The following ZNF248 variants were observed in gnomAD, a reference collection of about 807,000 sequenced individuals.
ZNF248 encodes KRAB protein domain.
ZNF248 carries 20 observed loss-of-function variants against 44.3 expected under a neutral mutation model. The ratio of observed to expected loss-of-function variants is 0.45; its 90% CI spans 0.32 to 0.66. The LOEUF (loss-of-function observed/expected upper bound fraction) is 0.66, where lower values mean the gene tolerates loss of function less well. ZNF248 is among the 30% of genes least tolerant of loss of function. The probability of loss-of-function intolerance (pLI) is 0.04; values close to 1 mark genes in which losing one functional copy is unlikely to be tolerated. For synonymous variants in ZNF248, 224 were observed against 229.0 expected (o/e 0.98, Z 0.20); for missense variants, 654 against 677.0 (o/e 0.97, Z 0.38).
In ZNF248 at chr10:37,829,633, G is replaced by A. The variant is rs117112945; in HGVS notation, c.*1982C>T. 10,242 of 985,354 alleles carry A rather than the reference G, an allele frequency of 0.01. 86 individuals carry two copies. The highest frequency in any genetic ancestry group is 0.011 in the Non-Finnish European group (8,812 of 829,932). 61.0% of individuals were successfully genotyped at this position (985,354 alleles called of 1,614,324 possible). Reference sequence around the variant, plus strand: ...ATAGAGAGCAGAGTAGCTCGGCAACGTCACCTCTGAGCTGGCTTTTCCCAC... The same window carrying A: ...ATAGAGAGCAGAGTAGCTCGGCAACATCACCTCTGAGCTGGCTTTTCCCAC... On this transcript the variant is annotated 3_prime_UTR_variant, in exon 6 of 6. Transcript: ENST00000395867.
chr10:37,795,103 G>A (rs1386649433), intron 6 of ZNF248: 1 of 152,180 alleles, frequency 6.6e-6, no homozygotes, highest in Admixed American at 6.5e-5. Flanking sequence ...TTCTCTTAAA[G>A]TTTGAAATCT....
In ZNF248 at chr10:37,830,609, C is replaced by T. The variant is rs1376689946; in HGVS notation, c.*1006G>A. 37 of 984,984 alleles carry T rather than the reference C, an allele frequency of 3.8e-5. No individual in the cohort carries two copies. Among genetic ancestry groups the T allele is most frequent in the Non-Finnish European group, 4.5e-5 (37 of 829,716 alleles). The allele number at this position is 984,984 out of a possible 1,614,324, so 61.0% of individuals were successfully genotyped here. On this transcript the variant is annotated 3_prime_UTR_variant, in exon 6 of 6. Transcript: ENST00000395867. Reference sequence around the variant, plus strand: ...ATTGCCAAATACGTTTTCATATATACACAGTGATGTGCTGTAAATATTTGA... The same window carrying T: ...ATTGCCAAATACGTTTTCATATATATACAGTGATGTGCTGTAAATATTTGA...
intron 6 of ZNF248, among the ~76,000 whole-genome samples, chr10:37,816,280 C>T (rs925671629): frequency 3.3e-5 from 5 of 152,162 alleles, no homozygotes; most frequent in Non-Finnish European, 5.9e-5. Flanking sequence ...TTTACACCTC[C>T]GTGTCTGCAC....
Position 37,843,317 on chromosome 10 carries a change from A to C in ZNF248, c.16-5206T>G, listed in dbSNP as rs555826210. 5.9e-5 allele frequency among the ~76,000 whole-genome samples: 9 copies of C among 151,604 alleles called. No individual in the cohort carries two copies. In the East Asian group the frequency reaches 1.6e-3, roughly 26 times the overall value. On this transcript the variant is annotated intron_variant, in intron 3 of 5. Transcript: ENST00000395867. The stretch of plus-strand genomic sequence containing the variant: ...GCGCATGCCTGTAGTCCCAGTTGCA[A>C]GGGAGGCTGATGTAGGAGAATTGCT...
the ZNF248 span, among the ~76,000 whole-genome samples, chr10:37,764,148 T>G: frequency 3.9e-5 from 6 of 152,208 alleles, no homozygotes; most frequent in Admixed American, 3.3e-4. Context: ...TGAATTCTTT[T>G]TCTCAGCAAG....
intron 3 of ZNF248, among the ~76,000 whole-genome samples, chr10:37,851,779 A>C (rs2060281758): frequency 6.7e-6 from 1 of 149,830 alleles, no homozygotes; most frequent in South Asian, 2.1e-4. Flanking sequence ...AAAAAAAAAA[A>C]AAAAAAAAAA....
At chr10:37,813,837 T>G (rs2051970741) in intron 6 of ZNF248, among the ~76,000 whole-genome samples, 1 of 152,206 alleles carries the variant, frequency 6.6e-6, no homozygotes, top group African/African-American at 2.4e-5. Flanking sequence ...CTGCACTCAC[T>G]CCTGCTCTTT....
At chr10:37,810,023 G>T (rs1305505119) in intron 6 of ZNF248, among the ~76,000 whole-genome samples, 1 of 152,162 alleles carries the variant, frequency 6.6e-6, no homozygotes, top group Non-Finnish European at 1.5e-5. Context: ...GTTGTTGTTG[G>T]ATATAGTGTT....
rs933482800 is a variant in ZNF248, at chr10:37,857,591, T to G, written c.-532A>C. On this transcript the variant is annotated 5_prime_UTR_variant, in exon 1 of 6. Transcript: ENST00000395867. Reference sequence around the variant, plus strand: ...TTCATTTGTCGCGGACCTGGCGCAGTCGCTCTCCCCCGCAGCCCCGCCTCC... The same window carrying G: ...TTCATTTGTCGCGGACCTGGCGCAGGCGCTCTCCCCCGCAGCCCCGCCTCC... The G allele has an allele frequency of 6.6e-6, 1 of 152,344 alleles. No homozygotes were observed. Among genetic ancestry groups the G allele is most frequent in the African/African-American group, 2.4e-5 (1 of 41,454 alleles). The allele number at this position is 152,344 out of a possible 1,614,324, so 9.4% of individuals were successfully genotyped here.
At chr10:37,852,986 C>A (rs976090847) in intron 3 of ZNF248, among the ~76,000 whole-genome samples, 1 of 151,920 alleles carries the variant, frequency 6.6e-6, no homozygotes, top group East Asian at 1.9e-4. Context: ...CTCAGCCTCC[C>A]GAGTAGCTGG....
chr10:37,801,290 C>A (rs955322613), intron 6 of ZNF248, among the ~76,000 whole-genome samples: 20 of 151,964 alleles, frequency 1.3e-4, no homozygotes, highest in African/African-American at 4.8e-4. Context: ...GCACGAGAAT[C>A]CCTTGAACCC....
intron 6 of ZNF248, among the ~76,000 whole-genome samples, chr10:37,791,317 C>G (rs1589120628): frequency 6.6e-6 from 1 of 152,088 alleles, no homozygotes; most frequent in South Asian, 2.1e-4. Context: ...GCTGGGATTA[C>G]AGGTGTGAGC....
chr10:37,797,124 G>A (rs1169271798), intron 6 of ZNF248, among the ~76,000 whole-genome samples: 1 of 152,122 alleles, frequency 6.6e-6, no homozygotes, highest in Non-Finnish European at 1.5e-5. Flanking sequence ...TAAGAAACTT[G>A]TCTAAAGACA....
At chr10:37,769,091 A>G in the ZNF248 span, among the ~76,000 whole-genome samples, 1 of 152,210 alleles carries the variant, frequency 6.6e-6, no homozygotes, top group African/African-American at 2.4e-5. Context: ...GAATCTCTGA[A>G]TAGACCAATA....
At chr10:37,786,922 G>A (rs2047936340) in intron 6 of ZNF248, among the ~76,000 whole-genome samples, 2 of 152,040 alleles carry the variant, frequency 1.3e-5, no homozygotes, top group African/African-American at 4.8e-5. Flanking sequence ...TAGGTGTCAT[G>A]TCTAAGAAAC....
chr10:37,819,932 AG>A, intron 6 of ZNF248: 1 of 771,290 alleles, frequency 1.3e-6, no homozygotes, highest in Non-Finnish European at 2.4e-6. Flanking sequence ...TCAGTAAACG[AG>A]GCCCCATGTC....
chr10:37,769,745 T>G, the ZNF248 span, among the ~76,000 whole-genome samples: 6 of 152,172 alleles, frequency 3.9e-5, no homozygotes, highest in Admixed American at 2.6e-4. Flanking sequence ...CCACTCCTAT[T>G]CAACATAGTG....
At position 37,857,448 on chromosome 10, in the gene ZNF248, C is replaced by G. The variant is rs2061499738; in HGVS notation, c.-389G>C. The G allele has an allele frequency of 6.6e-6, 1 of 152,240 alleles. No individual in the cohort carries two copies. The highest frequency in any genetic ancestry group is 2.1e-4 in the South Asian group (1 of 4,830). The allele number at this position is 152,240 out of a possible 1,614,324, so 9.4% of individuals were successfully genotyped here. A position where few individuals can be genotyped will look rare whatever the true frequency, so the allele number is the denominator to read the frequency against. ...CGGGCTCTCCCAGGGAACGCACACC[C>G]AATAAATACAGCACCTAAACAATGA... is the stretch of plus-strand genomic sequence containing the variant. On this transcript the variant is annotated 5_prime_UTR_variant, in exon 1 of 6. Coordinates refer to ENST00000395867, the MANE Select transcript of ZNF248 (RefSeq NM_021045.3).
the ZNF248 span, among the ~76,000 whole-genome samples, chr10:37,762,151 A>T: frequency 6.6e-6 from 1 of 152,206 alleles, no homozygotes; most frequent in Non-Finnish European, 1.5e-5. Flanking sequence ...AAACAAAATC[A>T]AGGTTCTGCT....
Sources: allele counts gnomAD v4.1 joint callset (sites outside exome capture counted in the v4.1 genomes callset), GRCh38; gene constraint gnomAD v4.1.1; transcripts MANE v1.5; gene names NCBI Gene and HGNC (gene_info 2026-07-23, HGNC 2026-07-21).